KRTCAP3: variants seen among roughly 807,000 people sequenced by gnomAD.
The protein encoded by KRTCAP3 is keratinocyte associated protein 3.
In KRTCAP3, 18 loss-of-function variants were observed where a neutral mutation model predicts 20.5. That is an observed-to-expected ratio of 0.88 (90% CI 0.61 to 1.31). The LOEUF is 1.31. Among genes scored for constraint, KRTCAP3 ranks in the 50% most tolerant of loss-of-function variants. The probability of loss-of-function intolerance (pLI) is 0.00; values close to 1 mark genes in which losing one functional copy is unlikely to be tolerated. For missense variants in KRTCAP3, 347 were observed against 310.4 expected (o/e 1.12, Z -0.89); for synonymous variants, 167 against 133.7 (o/e 1.25, Z -1.72).
downstream of KRTCAP3, among the ~76,000 whole-genome samples, chr2:27,444,852 T>C (rs1028449352): frequency 1.3e-5 from 2 of 152,216 alleles, no homozygotes; most frequent in Non-Finnish European, 2.9e-5. Flanking sequence ...TTTAACCATG[T>C]TGGCCAGGCT....
At chr2:27,445,062 C>T, downstream of KRTCAP3, 1 of 1,614,086 alleles carries the variant, frequency 6.2e-7, no homozygotes. The surrounding 1 kb of genome is among the most constrained non-coding windows in gnomAD (Gnocchi z 4.4). Flanking sequence ...TAGCAGCCTT[C>T]CCTGGCCGCT....
At chr2:27,446,433 C>A, downstream of KRTCAP3, 1 of 1,246,494 alleles carries the variant, frequency 8.0e-7, no homozygotes, top group Non-Finnish European at 1.2e-6. Context: ...GTAAGGCAGC[C>A]ACAGAACTAA....
chr2:27,446,091 G>C, downstream of KRTCAP3: 1 of 1,467,472 alleles, frequency 6.8e-7, no homozygotes, highest in Middle Eastern at 1.7e-4. Context: ...GGGCTTGAAT[G>C]CTATTTCTCT....
downstream of KRTCAP3, chr2:27,444,525 T>C: frequency 6.2e-7 from 1 of 1,612,228 alleles, no homozygotes; most frequent in African/African-American, 1.3e-5. Flanking sequence ...GGGAGGTCTG[T>C]GAGCAAATGG....
chr2:27,444,532 A>G (rs779019745), downstream of KRTCAP3: 3 of 1,605,708 alleles, frequency 1.9e-6, no homozygotes, highest in Non-Finnish European at 2.6e-6. Flanking sequence ...CTGTGAGCAA[A>G]TGGAAGAACA....
At chr2:27,445,537 C>A, downstream of KRTCAP3, 1 of 1,452,088 alleles carries the variant, frequency 6.9e-7, no homozygotes, top group Non-Finnish European at 9.3e-7. This position sits in a 1 kb window ranked among gnomAD's most constrained non-coding sequence, Gnocchi z 4.4. Flanking sequence ...GTTTGCTAAG[C>A]CCTCATCCTG....
Position 27,442,402 on chromosome 2 carries a change from C to A in KRTCAP3, c.-11C>A. 1 of 1,552,160 alleles carries A rather than the reference C, an allele frequency of 6.4e-7. No homozygotes were observed. Among genetic ancestry groups the A allele is most frequent in the African/African-American group, 1.4e-5 (1 of 72,114 alleles). On this transcript the variant is annotated 5_prime_UTR_variant, in exon 1 of 7. Coordinates refer to ENST00000288873, the MANE Select transcript of KRTCAP3 (RefSeq NM_173853.4). The stretch of plus-strand genomic sequence containing the variant: ...AGGTACAGCGGCCCTGCGGCTGGCG[C>A]GGCGGACGGGATGAGGCGCTGCAGT...
intron 5 of KRTCAP3, 83 bp from the exon 6 acceptor site, chr2:27,443,866 G>C: frequency 1.2e-6 from 1 of 827,230 alleles, no homozygotes; most frequent in Non-Finnish European, 2.1e-6. Context: ...ACAGAGTGAG[G>C]CTCCGTCACA....
At chr2:27,446,252 C>T, downstream of KRTCAP3, 1 of 1,613,794 alleles carries the variant, frequency 6.2e-7, no homozygotes, top group Non-Finnish European at 8.5e-7. Context: ...TTCCTTGTCC[C>T]AGCTCACCTT....
intron 5 of KRTCAP3, 77 bp downstream of exon 5, chr2:27,443,609 A>T: frequency 1.3e-6 from 2 of 1,515,610 alleles, no homozygotes; most frequent in Non-Finnish European, 1.8e-6. Flanking sequence ...CCGGGTGCGG[A>T]GGCTCACACC....
At chr2:27,445,972 T>C (rs1279331887), downstream of KRTCAP3, 1 of 1,614,118 alleles carries the variant, frequency 6.2e-7, no homozygotes, top group African/African-American at 1.3e-5. This position sits in a 1 kb window ranked among gnomAD's most constrained non-coding sequence, Gnocchi z 4.4. Flanking sequence ...GAATGCCATG[T>C]TATCCCAGCC....
At chr2:27,445,301 A>G (rs1393819519), downstream of KRTCAP3, 1 of 1,611,544 alleles carries the variant, frequency 6.2e-7, no homozygotes, top group African/African-American at 1.3e-5. This position sits in a 1 kb window ranked among gnomAD's most constrained non-coding sequence, Gnocchi z 4.4. Context: ...TATACCTGTA[A>G]TAAGGCAGGG....
chr2:27,445,779 A>G (rs1438803947), downstream of KRTCAP3: 3 of 1,614,000 alleles, frequency 1.9e-6, no homozygotes, highest in Non-Finnish European at 2.5e-6. This position sits in a 1 kb window ranked among gnomAD's most constrained non-coding sequence, Gnocchi z 4.4. Context: ...TGGCACCTCA[A>G]AGGGAATGTC....
chr2:27,445,869 C>A (rs1466771318), downstream of KRTCAP3: 3 of 1,614,202 alleles, frequency 1.9e-6, no homozygotes, highest in Non-Finnish European at 1.7e-6. The surrounding 1 kb of genome is among the most constrained non-coding windows in gnomAD (Gnocchi z 4.4). Flanking sequence ...CAACCATGAA[C>A]TAGGCACAGC....
chr2:27,442,493 C>G (rs980551740), intron 1 of KRTCAP3, 53 bp downstream of exon 1: 14 of 1,549,494 alleles, frequency 9.0e-6, no homozygotes, highest in Non-Finnish European at 1.1e-5. Context: ...TACCCTTGCC[C>G]CGTCCTACTG....
downstream of KRTCAP3, chr2:27,445,951 T>C (rs755477787): frequency 1.6e-5 from 26 of 1,614,054 alleles, no homozygotes; most frequent in East Asian, 4.5e-5. The surrounding 1 kb of genome is among the most constrained non-coding windows in gnomAD (Gnocchi z 4.4). Context: ...CAAAAAGCGA[T>C]TGAGGAAGAT....
In KRTCAP3 at chr2:27,442,430, C is replaced by G. The variant is rs573220462; in HGVS notation, c.18C>G (p.Leu6=). Reference sequence around the variant, plus strand: ...CGGACGGGATGAGGCGCTGCAGTCTCTGCGCTTTCGGTAACTTCCGGGCCC... The same window carrying G: ...CGGACGGGATGAGGCGCTGCAGTCTGTGCGCTTTCGGTAACTTCCGGGCCC... MRRCS[L]CAFDAARGPR... is the part of the protein sequence containing the mutation. The change falls in exon 1 of 7, where the codon CTC becomes CTG. Residue 6 remains leucine, a synonymous_variant. Transcript: ENST00000288873. 6.4e-6 allele frequency: 10 copies of G among 1,569,540 alleles called. No individual in the cohort carries two copies. The Middle Eastern group carries it at 8.7e-4, about 137-fold the overall frequency.
downstream of KRTCAP3, chr2:27,446,244 C>T (rs778725103): frequency 1.2e-6 from 2 of 1,612,936 alleles, no homozygotes; most frequent in Non-Finnish European, 1.7e-6. Flanking sequence ...CCCCACCCTT[C>T]CTTGTCCCAG....
At chr2:27,446,312 G>A (rs759979976), downstream of KRTCAP3, 1 of 1,614,244 alleles carries the variant, frequency 6.2e-7, no homozygotes, top group Admixed American at 1.7e-5. Context: ...TAGTAGCTGG[G>A]TGTGACGCAA....
Sources: allele counts gnomAD v4.1 joint callset (sites outside exome capture counted in the v4.1 genomes callset), GRCh38; gene constraint gnomAD v4.1.1; non-coding constraint Gnocchi (gnomAD v3.1); transcripts MANE v1.5; gene names NCBI Gene and HGNC (gene_info 2026-07-23, HGNC 2026-07-21).